ARSG: variants seen among roughly 807,000 people sequenced by gnomAD.
The protein encoded by ARSG is arylsulfatase G, also known as ASG.
A neutral mutation model predicts 50.5 loss-of-function variants in ARSG; 37 were observed. The ratio of observed to expected loss-of-function variants is 0.73; its 90% CI spans 0.56 to 0.96. The LOEUF is 0.96. Ranked by LOEUF, ARSG falls within the 50% of genes least tolerant of loss-of-function variation. The pLI is 0.00. For synonymous variants in ARSG, 225 were observed against 254.6 expected (o/e 0.88, Z 1.11); for missense variants, 629 against 675.3 (o/e 0.93, Z 0.76).
chr17:68,403,166 T>C (rs2081552710), intron 11 of ARSG, among the ~76,000 whole-genome samples: 1 of 152,212 alleles, frequency 6.6e-6, no homozygotes, highest in Admixed American at 6.5e-5. Flanking sequence ...CTCAGTCAGA[T>C]ATTTGTTGTT....
At chr17:68,331,937 G>A (rs544248618) in intron 2 of ARSG, among the ~76,000 whole-genome samples, 1 of 152,224 alleles carries the variant, frequency 6.6e-6, no homozygotes, top group Non-Finnish European at 1.5e-5. Flanking sequence ...ATGGAGGCAG[G>A]GCGAGATCAC....
chr17:68,427,344 G>GTGC, downstream of ARSG: 1 of 962,004 alleles, frequency 1.0e-6, no homozygotes, highest in Non-Finnish European at 1.6e-6. Context: ...AGAAGCCTGT[G>GTGC]CTCAGCTCTG....
chr17:68,325,046 G>A (rs1555771865), intron 2 of ARSG, among the ~76,000 whole-genome samples: 2 of 152,120 alleles, frequency 1.3e-5, no homozygotes. Flanking sequence ...CCTACAGCAG[G>A]GGTTCTCAAC....
At chr17:68,449,657 C>T in the ARSG span, among the ~76,000 whole-genome samples, 2 of 152,180 alleles carry the variant, frequency 1.3e-5, no homozygotes, top group African/African-American at 4.8e-5. Flanking sequence ...ACGTAAGACG[C>T]CTGCTCCCGC....
At position 68,376,276 on chromosome 17, in the gene ARSG, C is replaced by CGTTTTTTTTTTTTTT. The variant is rs149045241; in HGVS notation, c.982+5752_982+5753insGTTTTTTTTTTTTTT. On this transcript the variant is annotated intron_variant, in intron 8 of 11. Coordinates refer to ENST00000621439, the MANE Select transcript of ARSG (RefSeq NM_001267727.2). Reference sequence around the variant, plus strand: ...CAGGAGTGTGCCACTGCGCCCCCTGCATTTTTTTTTTTTTTTCTGAGATAG... The same window carrying CGTTTTTTTTTTTTTT: ...CAGGAGTGTGCCACTGCGCCCCCTGCGTTTTTTTTTTTTTTATTTTTTTTTTTTTTTCTGAGATAG... Among the ~76,000 whole-genome samples the CGTTTTTTTTTTTTTT allele has an allele frequency of 2.3e-5, 3 of 131,944 alleles. 1 individual carries two copies. The highest frequency in any genetic ancestry group is 6.0e-5 in the African/African-American group (2 of 33,430). 86.6% of individuals were successfully genotyped at this position (131,944 alleles called of 152,430 possible).
Position 68,356,724 on chromosome 17 carries a change from C to T in ARSG, c.624C>T (p.Asn208=), listed in dbSNP as rs991430052. The T allele has an allele frequency of 6.2e-7, 1 of 1,614,080 alleles. No individual in the cohort carries two copies. Among genetic ancestry groups the T allele is most frequent in the Non-Finnish European group, 8.5e-7 (1 of 1,180,044 alleles). Residue 208 remains asparagine (N), a synonymous_variant, in exon 6 of 12, where the codon AAC becomes AAT. Transcript: ENST00000621439. ...DVALPLYENL[N]IVEQPVNLSS... ...CCCTCCCTCTTTATGAAAACCTCAA[C>T]ATTGTGGAGCAGCCGGTGAACTTGA... is the stretch of plus-strand genomic sequence containing the variant.
At chr17:68,270,530 G>T (rs1230703110) in intron 1 of ARSG, among the ~76,000 whole-genome samples, 2 of 151,246 alleles carry the variant, frequency 1.3e-5, no homozygotes, top group African/African-American at 4.9e-5. Flanking sequence ...CTCCAGCCTG[G>T]GTGATAGAGC....
chr17:68,396,112 G>A (rs947995580), intron 10 of ARSG, among the ~76,000 whole-genome samples: 3 of 151,584 alleles, frequency 2.0e-5, no homozygotes, highest in African/African-American at 4.9e-5. Context: ...GGGTTCAAGC[G>A]ATTCTGCTGC....
intron 8 of ARSG, among the ~76,000 whole-genome samples, chr17:68,380,252 C>CT (rs1388387441): frequency 4.9e-4 from 71 of 144,958 alleles, no homozygotes; most frequent in African/African-American, 9.9e-4. Context: ...TTTCTTTACT[C>CT]TTTTTTTTTT....
chr17:68,322,967 A>C (rs2077352139), intron 2 of ARSG, among the ~76,000 whole-genome samples: 1 of 152,170 alleles, frequency 6.6e-6, no homozygotes, highest in Non-Finnish European at 1.5e-5. Flanking sequence ...AGGAGAATAC[A>C]GTTCAAGACC....
At chr17:68,359,061 G>A (rs2079165650) in intron 6 of ARSG, among the ~76,000 whole-genome samples, 1 of 152,020 alleles carries the variant, frequency 6.6e-6, no homozygotes, top group Non-Finnish European at 1.5e-5. Context: ...TACTCGGGAG[G>A]CTGAGGCAGG....
chr17:68,364,358 T>A (rs1465552496), intron 6 of ARSG, among the ~76,000 whole-genome samples: 1 of 151,902 alleles, frequency 6.6e-6, no homozygotes. Flanking sequence ...CTGTTTTTTG[T>A]TGTTGTTGTT....
chr17:68,433,347 A>G, the ARSG span: 1 of 929,256 alleles, frequency 1.1e-6, no homozygotes, highest in African/African-American at 1.6e-5. Flanking sequence ...CACTTAGGTG[A>G]AGTCCCAAGT....
At position 68,368,622 on chromosome 17, in the gene ARSG, C is replaced by T; in HGVS notation, c.779C>T (p.Pro260Leu). 1 of 1,614,218 alleles carries T rather than the reference C, an allele frequency of 6.2e-7. No individual in the cohort carries two copies. The highest frequency in any genetic ancestry group is 8.5e-7 in the Non-Finnish European group (1 of 1,180,026). Residue 260 changes from proline to leucine, a missense_variant, in exon 7 of 12, where the codon CCA becomes CTA. By Grantham distance (98) the Pro-to-Leu change is moderately conservative. Transcript: ENST00000621439. ...MHVPLPVTQL[P>L]AAPRGRSLYG... ...GTGCCCTTACCTGTGACTCAGCTACCAGCAGCGCCACGGGGCAGAAGCCTG... is the reference window on the plus strand; with the variant it reads ...GTGCCCTTACCTGTGACTCAGCTACTAGCAGCGCCACGGGGCAGAAGCCTG...
chr17:68,302,152 T>C (rs974487305), intron 1 of ARSG, among the ~76,000 whole-genome samples: 3 of 151,712 alleles, frequency 2.0e-5, no homozygotes, highest in African/African-American at 7.3e-5. Context: ...CGTTGGGGAG[T>C]TGCTTCCGAC....
At chr17:68,428,822 T>C in the ARSG span, 4 of 1,608,542 alleles carry the variant, frequency 2.5e-6, no homozygotes, top group East Asian at 8.9e-5. Context: ...AAAAGCAGTC[T>C]CTTCACCTGT....
At chr17:68,373,608 C>T (rs1411576471) in intron 8 of ARSG, among the ~76,000 whole-genome samples, 1 of 152,140 alleles carries the variant, frequency 6.6e-6, no homozygotes. Flanking sequence ...GGACTGTGGC[C>T]ATATCTTGTG....
chr17:68,346,651 C>T, intron 3 of ARSG: 1 of 1,105,700 alleles, frequency 9.0e-7, no homozygotes, highest in South Asian at 1.6e-5. Flanking sequence ...TGTCTCGGTG[C>T]TTGAACTGCG....
chr17:68,335,078 C>T (rs1167034720), intron 2 of ARSG, among the ~76,000 whole-genome samples: 1 of 152,126 alleles, frequency 6.6e-6, no homozygotes, highest in Admixed American at 6.5e-5. Flanking sequence ...TTCACTGCAG[C>T]CTCTAACTCC....
Sources: allele counts gnomAD v4.1 joint callset (sites outside exome capture counted in the v4.1 genomes callset), GRCh38; gene constraint gnomAD v4.1.1; transcripts MANE v1.5; gene names NCBI Gene and HGNC (gene_info 2026-07-23, HGNC 2026-07-21).